PALD1: variants seen among roughly 807,000 people sequenced by gnomAD.
PALD1 encodes the protein phosphatase domain containing paladin 1, also known as paladin.
Under a neutral mutation model 96.0 loss-of-function variants are expected in PALD1, and 57 were observed. That is an observed-to-expected ratio of 0.59 (90% confidence interval 0.48 to 0.74). PALD1 has a LOEUF of 0.74. PALD1 is among the 30% of genes least tolerant of loss of function. The probability of loss-of-function intolerance (pLI) is 0.00; values close to 1 mark genes in which losing one functional copy is unlikely to be tolerated. For synonymous variants in PALD1, 464 were observed against 473.6 expected, an observed-to-expected ratio of 0.98 and a Z score of 0.26; for missense variants, 1,063 against 1,143.7, an observed-to-expected ratio of 0.93 and a Z score of 1.02.
At chr10:70,560,561 C>G (rs1046973936) in intron 18 of PALD1, among the ~76,000 whole-genome samples, 1 of 152,062 alleles carries the variant, frequency 6.6e-6, no homozygotes, top group Non-Finnish European at 1.5e-5. Flanking sequence ...ATGTGACGCG[C>G]TCGGCCCGCA....
chr10:70,508,818 T>TGTGTGTGC (rs1470506889), intron 1 of PALD1, among the ~76,000 whole-genome samples: 1 of 117,040 alleles, frequency 8.5e-6, no homozygotes, highest in African/African-American at 3.6e-5. Flanking sequence ...TGTGTGTGTG[T>TGTGTGTGC]GCAGGCCTGT....
rs201825640 is a variant in PALD1, at chr10:70,539,565, C to T, written c.1726-15C>T. The T allele has an allele frequency of 1.4e-5, 22 of 1,596,746 alleles. No homozygotes were observed. The highest frequency in any genetic ancestry group is 1.8e-5 in the Non-Finnish European group (21 of 1,170,118). On this transcript the variant is annotated splice_polypyrimidine_tract_variant and intron_variant, in intron 14 of 19. Coordinates refer to ENST00000263563, the MANE Select transcript of PALD1 (RefSeq NM_014431.3). This position sits in a 1 kb window ranked among gnomAD's most constrained non-coding sequence, Gnocchi z 4.5. ...TGCCCCAGTGGCCTGTGTCCTCCCT[C>T]CTGCCCTTGCCCAGACCCTGGAGGC... is the stretch of plus-strand genomic sequence containing the variant.
intron 19 of PALD1, 143 bp from the exon 20 acceptor site, chr10:70,566,438 C>T (rs1444370261): frequency 4.6e-6 from 3 of 655,206 alleles, no homozygotes; most frequent in Non-Finnish European, 8.1e-6. Flanking sequence ...GAAACTGACG[C>T]TCAGAGAAGT....
At chr10:70,564,197 C>T (rs563788990) in intron 18 of PALD1, among the ~76,000 whole-genome samples, 167 bp from the exon 19 acceptor site, 93 of 152,294 alleles carry the variant, frequency 6.1e-4, no homozygotes, top group African/African-American at 2.1e-3. Context: ...TCCTGACCCG[C>T]GGCCCTGGCT....
At chr10:70,485,397 A>C (rs1846002516) in intron 1 of PALD1, 1 of 154,284 alleles carries the variant, frequency 6.5e-6, no homozygotes, top group Admixed American at 6.6e-5. Flanking sequence ...TTGTCTGAGC[A>C]AACTTCTTTT....
chr10:70,496,308 G>T (rs1240393055), intron 1 of PALD1, among the ~76,000 whole-genome samples: 1 of 151,052 alleles, frequency 6.6e-6, no homozygotes, highest in Non-Finnish European at 1.5e-5. Flanking sequence ...GTGAATCAAG[G>T]CATAGCTTGA....
intron 19 of PALD1, 38 bp from the exon 20 acceptor site, chr10:70,566,542 TC>T: frequency 6.5e-7 from 1 of 1,542,578 alleles, no homozygotes; most frequent in Non-Finnish European, 8.8e-7. Context: ...GCACCCTCCC[TC>T]CCCTGAAACA....
rs377311387 is a variant in PALD1 at position 70,564,538 on chromosome 10, C to T, written c.2418+19C>T. On this transcript the variant is annotated intron_variant, in intron 19 of 19. Coordinates refer to ENST00000263563, the MANE Select transcript of PALD1 (RefSeq NM_014431.3). ...GCAGGAGGTGAGGGGAGGCTGAGGC[C>T]GAGAGGGGCCGGGGCGATGGCTCCT... 36 of 1,610,236 alleles carry T rather than the reference C, an allele frequency of 2.2e-5. No individual in the cohort carries two copies. Among genetic ancestry groups the T allele is most frequent in the Admixed American group, 6.7e-5 (4 of 59,772 alleles).
intron 19 of PALD1, among the ~76,000 whole-genome samples, chr10:70,566,224 A>G (rs920556736): frequency 2.6e-5 from 4 of 152,118 alleles, no homozygotes; most frequent in African/African-American, 9.7e-5. Flanking sequence ...CTGCCCCTGC[A>G]TCCACGTTCT....
intron 1 of PALD1, among the ~76,000 whole-genome samples, chr10:70,493,944 C>G (rs1209920495): frequency 9.8e-5 from 15 of 152,330 alleles, no homozygotes; most frequent in Non-Finnish European, 2.9e-5. Flanking sequence ...CTTCTCTGTC[C>G]TAAGCTCCCT....
chr10:70,530,183 G>A (rs1265164014), intron 4 of PALD1, 115 bp downstream of exon 4: 2 of 863,818 alleles, frequency 2.3e-6, no homozygotes, highest in Non-Finnish European at 3.4e-6. Context: ...GAGAGGTGGG[G>A]TAGTGGCCTG....
the PALD1 span, among the ~76,000 whole-genome samples, chr10:70,460,137 G>T: frequency 7.2e-4 from 109 of 152,226 alleles, no homozygotes; most frequent in African/African-American, 2.5e-3. Context: ...CCCTTCCGCC[G>T]TCTGGGCCCC....
rs577041981 is a variant in PALD1 at position 70,522,442 on chromosome 10, C to T, written c.-29-3481C>T. On this transcript the variant is annotated intron_variant, in intron 1 of 19. Transcript: ENST00000263563. ...AGCCCAGCGTCTGTAGGCAGGGGAC[C>T]GGGGGCACACGTGGTCCCTGGTGGG... Among the ~76,000 whole-genome samples the T allele has an allele frequency of 5.3e-5, 8 of 152,154 alleles. No homozygotes were observed. The East Asian group carries it at 7.7e-4, about 15-fold the overall frequency.
chr10:70,504,726 T>G (rs10740352), intron 1 of PALD1, among the ~76,000 whole-genome samples: 78,072 of 152,120 alleles, frequency 0.51, 20,902 homozygotes, highest in East Asian at 0.66. Context: ...TGGATTCTCA[T>G]GCCTGCCTCT....
chr10:70,565,883 C>T (rs982626458), intron 19 of PALD1, among the ~76,000 whole-genome samples: 1 of 152,222 alleles, frequency 6.6e-6, no homozygotes. Flanking sequence ...TGATCCCCTC[C>T]CCAGCTGAAT....
chr10:70,468,008 C>T, the PALD1 span, among the ~76,000 whole-genome samples: 2 of 152,254 alleles, frequency 1.3e-5, no homozygotes, highest in South Asian at 2.1e-4. Flanking sequence ...CTTGTGATTA[C>T]GCACAAGGCA....
chr10:70,539,637 C>A lies in PALD1; in HGVS notation c.1783C>A (p.Pro595Thr), dbSNP rs771414020. ...CGAGCCTCCCCCAGGCAAGGAGGGC[C>A]CCCTGACCTACAGGTTCCAGACCTG... ...LSEPPPGKEG[P>T]LTYRFQTCLT... Residue 595 changes from proline (P) to threonine (T), a missense_variant, in exon 15 of 20, where the codon CCC becomes ACC. Transcript: ENST00000263563. This position sits in a 1 kb window ranked among gnomAD's most constrained non-coding sequence, Gnocchi z 4.5. 8.1e-6 allele frequency: 13 copies of A among 1,613,698 alleles called. No homozygotes were observed. Among genetic ancestry groups the A allele is most frequent in the Admixed American group, 5.0e-5 (3 of 60,002 alleles).
upstream of PALD1, among the ~76,000 whole-genome samples, chr10:70,477,702 C>T (rs1845847774): frequency 6.6e-6 from 1 of 152,188 alleles, no homozygotes; most frequent in South Asian, 2.1e-4. Context: ...AATGTGTTCC[C>T]CTCTCCCAGC....
At chr10:70,541,565 C>T in intron 17 of PALD1, 31 bp downstream of exon 17, 1 of 1,554,900 alleles carries the variant, frequency 6.4e-7, no homozygotes, top group Non-Finnish European at 8.8e-7. Context: ...CCCTGAGGCA[C>T]CTTGGGATGG....
Sources: gnomAD v4.1 joint callset for allele counts (sites outside exome capture counted in the v4.1 genomes callset) on GRCh38, gnomAD v4.1.1 for gene constraint, Gnocchi (gnomAD v3.1) non-coding constraint, MANE v1.5 for transcripts, NCBI Gene and HGNC (gene_info 2026-07-23, HGNC 2026-07-21) for gene names.